PTPRE: variants seen among roughly 807,000 people sequenced by gnomAD.
The protein encoded by PTPRE is receptor-type tyrosine-protein phosphatase epsilon.
In PTPRE, 51 loss-of-function variants were observed where a neutral mutation model predicts 102.0. The ratio of observed to expected loss-of-function variants is 0.50; its 90% CI spans 0.40 to 0.63. The LOEUF is 0.63. Among genes scored for constraint, PTPRE ranks in the 30% least tolerant of loss-of-function variants. The probability of loss-of-function intolerance (pLI) is 0.00; values close to 1 mark genes in which losing one functional copy is unlikely to be tolerated. For missense variants in PTPRE, 752 were observed against 915.1 expected (o/e 0.82, Z 2.30); for synonymous variants, 345 against 348.2 (o/e 0.99, Z 0.10).
chr10:128,033,047 G>T (rs926493264), intron 2 of PTPRE, among the ~76,000 whole-genome samples: 3 of 152,088 alleles, frequency 2.0e-5, no homozygotes, highest in Non-Finnish European at 4.4e-5. Flanking sequence ...ACTACCTCGG[G>T]GGCTGTAATG....
intron 3 of PTPRE, among the ~76,000 whole-genome samples, chr10:128,043,309 G>A (rs1419634371): frequency 6.6e-6 from 1 of 152,204 alleles, no homozygotes; most frequent in East Asian, 1.9e-4. Flanking sequence ...TGGGGGTGAT[G>A]GGAGACAGTG....
chr10:127,916,509 G>T (rs1182873322), intron 1 of PTPRE, among the ~76,000 whole-genome samples: 4 of 152,196 alleles, frequency 2.6e-5, no homozygotes, highest in African/African-American at 9.6e-5. Context: ...GTCTTAGGCA[G>T]TTCTTTATAG....
chr10:127,981,646 T>C (rs1392744853), intron 1 of PTPRE, among the ~76,000 whole-genome samples: 1 of 152,002 alleles, frequency 6.6e-6, no homozygotes, highest in Non-Finnish European at 1.5e-5. Context: ...GGTGAAACCC[T>C]GTCTCTACTA....
At chr10:128,062,895 G>C in intron 9 of PTPRE, 188 bp from the exon 10 acceptor site, 2 of 962,718 alleles carry the variant, frequency 2.1e-6, no homozygotes, top group Non-Finnish European at 3.0e-6. Context: ...TAGCTGGAGT[G>C]GGTGAGTGGC....
chr10:128,029,563 T>C (rs1317756972), intron 2 of PTPRE, among the ~76,000 whole-genome samples: 2 of 152,220 alleles, frequency 1.3e-5, no homozygotes, highest in Non-Finnish European at 2.9e-5. Context: ...ATGACTTCCC[T>C]GAGGGCGGTG....
chr10:127,921,307 C>T (rs569026041), intron 1 of PTPRE, among the ~76,000 whole-genome samples: 1 of 152,262 alleles, frequency 6.6e-6, no homozygotes, highest in South Asian at 2.1e-4. Flanking sequence ...ACTGGAGGCC[C>T]AGATAGGGTA....
In PTPRE at chr10:128,063,157, A is replaced by T. The variant is rs867132349; in HGVS notation, c.700A>T (p.Thr234Ser). ...AAAGTCTGCGACCATCGTCATGTTA[A>T]CAAACTTGAAAGAAAGGAAAGAGGT... is the stretch of plus-strand genomic sequence containing the variant. Reference protein sequence around the residue: ...EQKSATIVMLTNLKERKEEKC... With the variant: ...EQKSATIVMLSNLKERKEEKC... Residue 234 changes from threonine (T) to serine (S), a missense_variant, in exon 10 of 21, where the codon ACA (threonine) becomes TCA (serine). Thr to Ser is a moderately conservative substitution (Grantham distance 58). Transcript: ENST00000254667. The T allele has an allele frequency of 6.2e-7, 1 of 1,614,236 alleles. No individual in the cohort carries two copies. Among genetic ancestry groups the T allele is most frequent in the African/African-American group, 1.3e-5 (1 of 75,072 alleles).
chr10:127,946,983 T>C (rs975943541), intron 1 of PTPRE, among the ~76,000 whole-genome samples: 4 of 145,136 alleles, frequency 2.8e-5, no homozygotes, highest in African/African-American at 1.0e-4. Context: ...ATTGTGCCAC[T>C]ACACTCCAGC....
intron 2 of PTPRE, among the ~76,000 whole-genome samples, chr10:128,026,407 C>G (rs1213951165): frequency 6.6e-6 from 1 of 152,212 alleles, no homozygotes; most frequent in Non-Finnish European, 1.5e-5. Context: ...GACCTCTCCC[C>G]AGTCTGTCTT....
chr10:127,995,123 A>G (rs1853116526), intron 2 of PTPRE, among the ~76,000 whole-genome samples: 1 of 152,152 alleles, frequency 6.6e-6, no homozygotes, highest in Non-Finnish European at 1.5e-5. Context: ...GCAGAGAGTC[A>G]GCAGCTGGCA....
rs1047359158 is a variant in PTPRE, at chr10:128,085,698, G to A, written c.*2792G>A. 1 of 152,382 alleles carries A rather than the reference G, an allele frequency of 6.6e-6. No homozygotes were observed. Among genetic ancestry groups the A allele is most frequent in the Non-Finnish European group, 1.5e-5 (1 of 67,996 alleles). The allele number at this position is 152,382 out of a possible 1,614,324, so 9.4% of individuals were successfully genotyped here. A position where few individuals can be genotyped will look rare whatever the true frequency, so the allele number is the denominator to read the frequency against. ...TGTGCAGTCTTTATAATGTATGTAT[G>A]TTATTACAGTTTCAACTATCATATT... On this transcript the variant is annotated 3_prime_UTR_variant, in exon 21 of 21. Coordinates refer to ENST00000254667, the MANE Select transcript of PTPRE (RefSeq NM_006504.6).
At chr10:128,000,424 A>G (rs1050747122) in intron 2 of PTPRE, among the ~76,000 whole-genome samples, 2 of 152,242 alleles carry the variant, frequency 1.3e-5, no homozygotes, top group African/African-American at 4.8e-5. Context: ...AAATGTCACA[A>G]CACAAAATTG....
chr10:127,997,723 C>CA (rs1216221693), intron 2 of PTPRE, among the ~76,000 whole-genome samples: 4 of 151,968 alleles, frequency 2.6e-5, no homozygotes, highest in Non-Finnish European at 4.4e-5. Flanking sequence ...GAACTAACAA[C>CA]AAAAAAATAT....
intron 1 of PTPRE, among the ~76,000 whole-genome samples, chr10:127,981,162 A>G (rs999468667): frequency 6.6e-6 from 1 of 152,222 alleles, no homozygotes; most frequent in African/African-American, 2.4e-5. Flanking sequence ...TACAATAGGG[A>G]TAAATCTCAA....
rs183119646 is a variant in PTPRE, at chr10:127,933,868, T to C, written c.-31+26559T>C. ...CCAGGCCCCTACCGAAGTCCTGTGG[T>C]TTCCCTAAACCTCGATTTCCCTAAT... On this transcript the variant is annotated intron_variant, in intron 1 of 20. Coordinates refer to ENST00000254667, the MANE Select transcript of PTPRE (RefSeq NM_006504.6). Among the ~76,000 whole-genome samples the C allele has an allele frequency of 3.8e-4, 58 of 152,330 alleles. 1 individual carries two copies. Among genetic ancestry groups the C allele is most frequent in the African/African-American group, 1.3e-3 (55 of 41,572 alleles).
rs191886609 is a variant in PTPRE, at chr10:127,971,338, A to G, written c.-30-10936A>G. Among the ~76,000 whole-genome samples the G allele has an allele frequency of 2.6e-3, 403 of 152,302 alleles. 4 individuals are homozygous for G. Among genetic ancestry groups the G allele is most frequent in the Non-Finnish European group, 4.4e-3 (297 of 68,020 alleles). On this transcript the variant is annotated intron_variant, in intron 1 of 20. Coordinates refer to ENST00000254667, the MANE Select transcript of PTPRE (RefSeq NM_006504.6). The stretch of plus-strand genomic sequence containing the variant: ...TGGGAGCATGGGTCTTACGTAAGAG[A>G]CCTGGAGTAGGGTGGGGATTGGCAC...
chr10:127,972,195 C>CT (rs1337976555), intron 1 of PTPRE, among the ~76,000 whole-genome samples: 1 of 152,166 alleles, frequency 6.6e-6, no homozygotes, highest in East Asian at 1.9e-4. Flanking sequence ...CCCCTGACCG[C>CT]TGCCTGGGGA....
chr10:128,047,632 C>CT (rs1448093559), intron 4 of PTPRE, 132 bp from the exon 5 acceptor site: 1 of 1,614,000 alleles, frequency 6.2e-7, no homozygotes, highest in Admixed American at 1.7e-5. Context: ...GAGGCCAGGC[C>CT]TTAGCGCGGC....
Position 128,009,702 on chromosome 10 carries a change from A to G in PTPRE, c.-8+27406A>G, listed in dbSNP as rs563929035. On this transcript the variant is annotated intron_variant, in intron 2 of 20. Transcript: ENST00000254667. ...GTGCTGCAAAGGACAGCCCTGAAAG[A>G]TGCTGAAAAGAATTCAGTCATTTAG... Among the ~76,000 whole-genome samples the G allele has an allele frequency of 2.6e-3, 402 of 152,356 alleles. 3 individuals are homozygous for G. Among genetic ancestry groups the G allele is most frequent in the Non-Finnish European group, 3.8e-3 (259 of 68,040 alleles).
Sources: allele counts gnomAD v4.1 joint callset (sites outside exome capture counted in the v4.1 genomes callset), GRCh38; gene constraint gnomAD v4.1.1; transcripts MANE v1.5; gene names NCBI Gene and HGNC (gene_info 2026-07-23, HGNC 2026-07-21).